Variants in MYO18B observed in about 807,000 individuals in gnomAD.
MYO18B encodes the protein unconventional myosin-XVIIIb.
MYO18B carries 204 observed loss-of-function variants against 273.0 expected under a neutral mutation model. That is an observed-to-expected ratio of 0.75 (90% CI 0.67 to 0.84). The LOEUF (loss-of-function observed/expected upper bound fraction) is 0.84. MYO18B is among the 40% of genes least tolerant of loss of function. The pLI is 0.00. For synonymous variants in MYO18B, 1,330 were observed against 1,305.7 expected (o/e 1.02, Z -0.40); for missense variants, 3,212 against 3,287.6 (o/e 0.98, Z 0.56).
At chr22:25,946,398 C>A in intron 35 of MYO18B, 148 bp downstream of exon 35, 1 of 550,556 alleles carries the variant, frequency 1.8e-6, no homozygotes. Flanking sequence ...TACAGACATC[C>A]ATTGTAGGCC....
intron 25 of MYO18B, among the ~76,000 whole-genome samples, chr22:25,882,330 A>G (rs1183676370): frequency 6.6e-6 from 1 of 150,642 alleles, no homozygotes; most frequent in African/African-American, 2.4e-5. Flanking sequence ...GAAACAAGCT[A>G]TTTCATAGAC....
chr22:25,948,425 T>C (rs2092741906), intron 36 of MYO18B, among the ~76,000 whole-genome samples: 1 of 121,602 alleles, frequency 8.2e-6, no homozygotes, highest in African/African-American at 4.3e-5. Flanking sequence ...CTTCCTTCCT[T>C]CCTTCCTTCC....
At chr22:25,816,272 G>A (rs552826641) in intron 12 of MYO18B, among the ~76,000 whole-genome samples, 2 of 152,144 alleles carry the variant, frequency 1.3e-5, no homozygotes, top group Admixed American at 6.5e-5. Flanking sequence ...TCTCTGAGTG[G>A]GATCATAATA....
intron 34 of MYO18B, among the ~76,000 whole-genome samples, chr22:25,927,135 A>G (rs1481383446): frequency 6.6e-6 from 1 of 152,186 alleles, no homozygotes; most frequent in Admixed American, 6.5e-5. Context: ...TGCTTGAGCA[A>G]TATGAAATGT....
intron 19 of MYO18B, 67 bp downstream of exon 19, chr22:25,846,350 G>T: frequency 6.5e-7 from 1 of 1,549,166 alleles, no homozygotes; most frequent in South Asian, 1.2e-5. Flanking sequence ...CCTCTGGGCT[G>T]AGTCATGTGC....
At chr22:25,879,209 A>C (rs2091275573) in intron 25 of MYO18B, among the ~76,000 whole-genome samples, 1 of 152,206 alleles carries the variant, frequency 6.6e-6, no homozygotes, top group African/African-American at 2.4e-5. Context: ...AGGGCTGAGT[A>C]GTTGCAACCT....
At position 26,026,434 on chromosome 22, in the gene MYO18B, TC is replaced by T; in HGVS notation, c.6471-10del. On this transcript the variant is annotated splice_polypyrimidine_tract_variant and intron_variant, in intron 42 of 43. Coordinates refer to ENST00000335473, the MANE Select transcript of MYO18B (RefSeq NM_032608.7). ...CAATTTCTACAGACTGCATTTTTCT[TC>T]TTGGCACAGGATAAACGAAGAGGCT... is the stretch of plus-strand genomic sequence containing the variant. The T allele has an allele frequency of 1.3e-6, 2 of 1,589,756 alleles. No homozygotes were observed.
In MYO18B at chr22:25,910,947, T is replaced by G; in HGVS notation, c.5261T>G (p.Leu1754Arg). The G allele has an allele frequency of 6.3e-7, 1 of 1,586,388 alleles. No individual in the cohort carries two copies. Among genetic ancestry groups the G allele is most frequent in the South Asian group, 1.2e-5 (1 of 86,222 alleles). The change falls in exon 33 of 44, where the codon CTT becomes CGT. Residue 1754 changes from leucine to arginine, a missense_variant and splice_region_variant. Leu to Arg is a moderately radical substitution (Grantham distance 102). Coordinates refer to ENST00000335473, the MANE Select transcript of MYO18B (RefSeq NM_032608.7). ...TGTTTCTTCCCTGTGTATCCACAGC[T>G]TCATCAGCTGGAAATGCAGCTGGAG... is the stretch of plus-strand genomic sequence containing the variant. ...EDVRQSCQKR[L>R]HQLEMQLEQE...
intron 25 of MYO18B, chr22:25,884,584 G>A (rs996810683): frequency 6.6e-6 from 1 of 152,344 alleles, no homozygotes; most frequent in African/African-American, 2.4e-5. Flanking sequence ...AACAGCTGGT[G>A]TATTCTTTCT....
chr22:25,826,292 G>T (rs938806343), intron 13 of MYO18B, 117 bp from the exon 14 acceptor site: 77 of 687,692 alleles, frequency 1.1e-4, no homozygotes, highest in African/African-American at 1.1e-3. Flanking sequence ...GCAGTGGAGG[G>T]ATGTGGCAAG....
intron 11 of MYO18B, among the ~76,000 whole-genome samples, chr22:25,789,903 A>G (rs924739257): frequency 1.3e-5 from 2 of 152,232 alleles, no homozygotes; most frequent in South Asian, 4.1e-4. Flanking sequence ...CTGTAATCCC[A>G]GCACTTTGGG....
chr22:25,979,009 T>C (rs2093122741), intron 39 of MYO18B, among the ~76,000 whole-genome samples: 1 of 152,038 alleles, frequency 6.6e-6, no homozygotes, highest in Non-Finnish European at 1.5e-5. Flanking sequence ...TATAAAAAGA[T>C]AACAGAGAGC....
At chr22:25,819,653 T>C (rs1303228465) in intron 12 of MYO18B, among the ~76,000 whole-genome samples, 1 of 152,230 alleles carries the variant, frequency 6.6e-6, no homozygotes, top group African/African-American at 2.4e-5. Context: ...TGAATTCTCA[T>C]TTAACATAGT....
Position 26,026,924 on chromosome 22 carries a change from CTGG to C in MYO18B, c.6955_6957del (p.Gly2319del), listed in dbSNP as rs1257801515. 1.9e-6 allele frequency: 3 copies of C among 1,612,482 alleles called. No individual in the cohort carries two copies. Among genetic ancestry groups the C allele is most frequent in the Non-Finnish European group, 1.7e-6 (2 of 1,179,006 alleles). On this transcript the variant is annotated inframe_deletion, in exon 43 of 44. Transcript: ENST00000335473. ...TCACCCCTGGAAATCGAAGGGGCCG[CTGG>C]TGGTCTCTTGAGGTCCACCAGCCTC...
intron 36 of MYO18B, 94 bp downstream of exon 36, chr22:25,947,922 G>A: frequency 1.1e-6 from 1 of 873,982 alleles, no homozygotes; most frequent in Non-Finnish European, 1.9e-6. Flanking sequence ...CTACTCCCTG[G>A]TCTTAACATC....
intron 34 of MYO18B, among the ~76,000 whole-genome samples, chr22:25,922,475 C>T (rs778504105): frequency 6.6e-5 from 10 of 152,092 alleles, no homozygotes; most frequent in East Asian, 5.8e-4. Context: ...GATTTGCTAC[C>T]GGTCCCCATG....
chr22:25,875,649 G>C (rs2091171596), intron 23 of MYO18B, among the ~76,000 whole-genome samples: 1 of 152,192 alleles, frequency 6.6e-6, no homozygotes, highest in Non-Finnish European at 1.5e-5. Flanking sequence ...CACCTTTGGG[G>C]GTGGTGTCTA....
intron 1 of MYO18B, among the ~76,000 whole-genome samples, chr22:25,759,606 C>T (rs999247481): frequency 3.9e-5 from 6 of 152,094 alleles, no homozygotes; most frequent in African/African-American, 7.2e-5. Context: ...CACCATGGCA[C>T]GTGTATACCT....
chr22:25,922,259 C>G (rs1174675733), intron 34 of MYO18B, among the ~76,000 whole-genome samples: 1 of 152,136 alleles, frequency 6.6e-6, no homozygotes, highest in East Asian at 1.9e-4. Flanking sequence ...CAAAGGAGGA[C>G]AGGAGGAGCG....
Sources: allele counts gnomAD v4.1 joint callset (sites outside exome capture counted in the v4.1 genomes callset), GRCh38; gene constraint gnomAD v4.1.1; transcripts MANE v1.5; gene names NCBI Gene and HGNC (gene_info 2026-07-23, HGNC 2026-07-21).